RALGAPB: variants seen among roughly 807,000 people sequenced by gnomAD.
The protein encoded by RALGAPB is ral GTPase-activating protein subunit beta.
RALGAPB carries 25 observed loss-of-function variants against 161.1 expected under a neutral mutation model. That is an observed-to-expected ratio of 0.16 (90% CI 0.11 to 0.22). RALGAPB has a LOEUF of 0.22. RALGAPB is among the 10% of genes least tolerant of loss of function. RALGAPB has a pLI of 1.00. For synonymous variants in RALGAPB, 629 were observed against 626.1 expected (o/e 1.00, Z -0.07); for missense variants, 1,391 against 1,815.2 (o/e 0.77, Z 4.25).
At position 38,541,143 on chromosome 20, in the gene RALGAPB, A is replaced by G; in HGVS notation, c.2665A>G (p.Asn889Asp). The G allele has an allele frequency of 6.2e-7, 1 of 1,614,174 alleles. No individual in the cohort carries two copies. Among genetic ancestry groups the G allele is most frequent in the Non-Finnish European group, 8.5e-7 (1 of 1,180,020 alleles). The change falls in exon 18 of 30, where the codon AAC becomes GAC. Residue 889 changes from asparagine to aspartate, a missense_variant. Physicochemically the swap from Asn to Asp is conservative, Grantham distance 23 (BLOSUM62 1). Coordinates refer to ENST00000262879, the MANE Select transcript of RALGAPB (RefSeq NM_020336.4). ...EVKYKGDKEP[N>D]PASMRVKDAA... ...CAAGTACAAAGGAGATAAGGAGCCAAACCCTGCATCTATGAGGGTAAAGGA... is the reference window on the plus strand; with the variant it reads ...CAAGTACAAAGGAGATAAGGAGCCAGACCCTGCATCTATGAGGGTAAAGGA...
chr20:38,544,140 A>G (rs2087072489), intron 18 of RALGAPB, among the ~76,000 whole-genome samples: 1 of 152,104 alleles, frequency 6.6e-6, no homozygotes, highest in Non-Finnish European at 1.5e-5. Flanking sequence ...TTTAGCCTCT[A>G]ATTTGGAGAT....
At chr20:38,492,146 G>T (rs548609949) in intron 2 of RALGAPB, among the ~76,000 whole-genome samples, 20 of 152,198 alleles carry the variant, frequency 1.3e-4, no homozygotes, top group Non-Finnish European at 2.4e-4. Flanking sequence ...GGAAAAAGTT[G>T]CCCAGTGGCA....
Position 38,550,968 on chromosome 20 carries a change from A to T in RALGAPB, c.3010-103A>T. ...TTCTGAGTGAGTTTTTGTGACATGT[A>T]ATCCTAGGGAAACACAGGCATCTAA... On this transcript the variant is annotated intron_variant, in intron 20 of 29. Coordinates refer to ENST00000262879, the MANE Select transcript of RALGAPB (RefSeq NM_020336.4). The T allele has an allele frequency of 2.2e-6, 3 of 1,350,006 alleles. No individual in the cohort carries two copies. The South Asian group carries it at 4.2e-5, about 19-fold the overall frequency. 83.6% of individuals were successfully genotyped at this position (1,350,006 alleles called of 1,614,324 possible).
chr20:38,558,182 C>T (rs2087655160), intron 22 of RALGAPB, 113 bp from the exon 23 acceptor site: 1 of 889,818 alleles, frequency 1.1e-6, no homozygotes, highest in African/African-American at 1.8e-5. Flanking sequence ...TTATTCCTAC[C>T]ATTCTATATT....
intron 13 of RALGAPB, among the ~76,000 whole-genome samples, chr20:38,529,558 C>T (rs180954048): frequency 5.3e-5 from 8 of 149,712 alleles, no homozygotes; most frequent in Non-Finnish European, 3.0e-5. Context: ...AAAGCTTGGG[C>T]GTGGTGGCTC....
intron 1 of RALGAPB, among the ~76,000 whole-genome samples, chr20:38,487,820 A>G (rs1165043630): frequency 6.6e-6 from 1 of 152,204 alleles, no homozygotes; most frequent in Non-Finnish European, 1.5e-5. Context: ...TAATCCCAGC[A>G]CTTTGGGAGG....
chr20:38,542,305 C>G (rs1023709022), intron 18 of RALGAPB, among the ~76,000 whole-genome samples: 4 of 152,154 alleles, frequency 2.6e-5, no homozygotes, highest in African/African-American at 9.7e-5. Context: ...CCAGCATCTT[C>G]TGTGAGTTCA....
chr20:38,546,100 C>A, intron 18 of RALGAPB, 143 bp from the exon 19 acceptor site: 1 of 1,424,344 alleles, frequency 7.0e-7, no homozygotes, highest in African/African-American at 1.4e-5. Flanking sequence ...ATGGCATTCA[C>A]CACAAGGAGT....
At chr20:38,534,982 G>A in intron 15 of RALGAPB, 92 bp from the exon 16 acceptor site, 5 of 1,449,326 alleles carry the variant, frequency 3.4e-6, no homozygotes, top group Non-Finnish European at 3.8e-6. Flanking sequence ...TGTGGCTGCT[G>A]TGGTCTGTGC....
At chr20:38,560,473 T>C (rs1311803700) in intron 23 of RALGAPB, among the ~76,000 whole-genome samples, 1 of 152,128 alleles carries the variant, frequency 6.6e-6, no homozygotes, top group Non-Finnish European at 1.5e-5. Context: ...TCTTCATGAA[T>C]TTCATTATGG....
chr20:38,556,143 A>G (rs2087579183), intron 22 of RALGAPB, among the ~76,000 whole-genome samples: 1 of 152,182 alleles, frequency 6.6e-6, no homozygotes, highest in Admixed American at 6.5e-5. Flanking sequence ...AGATTCCTCT[A>G]ATGAAACCCA....
At chr20:38,479,582 A>T in intron 1 of RALGAPB, among the ~76,000 whole-genome samples, 1 of 152,218 alleles carries the variant, frequency 6.6e-6, no homozygotes, top group Non-Finnish European at 1.5e-5. Flanking sequence ...ATGAGTACAT[A>T]TAGAGTTGGG....
At chr20:38,493,456 G>A (rs2085332497) in intron 3 of RALGAPB, among the ~76,000 whole-genome samples, 1 of 152,088 alleles carries the variant, frequency 6.6e-6, no homozygotes. Context: ...TTTCCATTTA[G>A]GCTAAACACA....
chr20:38,564,821 G>T (rs1363496594), intron 24 of RALGAPB, among the ~76,000 whole-genome samples: 1 of 151,848 alleles, frequency 6.6e-6, no homozygotes, highest in African/African-American at 2.4e-5. Flanking sequence ...TAACGCACAT[G>T]TGCACTCTCT....
At chr20:38,480,342 G>T (rs2084929218) in intron 1 of RALGAPB, among the ~76,000 whole-genome samples, 1 of 145,064 alleles carries the variant, frequency 6.9e-6, no homozygotes, top group Non-Finnish European at 1.5e-5. Flanking sequence ...TTTGCTACCT[G>T]AAGCAAGTTT....
chr20:38,571,418 C>G (rs532729350), intron 28 of RALGAPB, among the ~76,000 whole-genome samples: 2 of 152,276 alleles, frequency 1.3e-5, no homozygotes, highest in East Asian at 3.9e-4. Context: ...ATTCCACTCT[C>G]TGCTTCTCTG....
rs1451337938 is a variant in RALGAPB at position 38,510,783 on chromosome 20, G to A, written c.872+1575G>A. Among the ~76,000 whole-genome samples the A allele has an allele frequency of 6.4e-5, 9 of 140,528 alleles. No homozygotes were observed. The East Asian group carries it at 1.4e-3, about 21-fold the overall frequency. 92.2% of individuals were successfully genotyped at this position (140,528 alleles called of 152,430 possible). On this transcript the variant is annotated intron_variant, in intron 6 of 29. Coordinates refer to ENST00000262879, the MANE Select transcript of RALGAPB (RefSeq NM_020336.4). The stretch of plus-strand genomic sequence containing the variant: ...AAATTAGCCGGGCGTAGTGGCGGGC[G>A]CCTGTAGTCCCAGCTACTTGGGAGG...
rs767746083 is a variant in RALGAPB, at chr20:38,472,872, C to T, written c.-228C>T. ...GGAAGTTGCCTGAGCAGATCCCAGC[C>T]GGCTGGCTCGAGTGGCCTTCGTCGT... is the stretch of plus-strand genomic sequence containing the variant. On this transcript the variant is annotated 5_prime_UTR_variant, in exon 1 of 30. Coordinates refer to ENST00000262879, the MANE Select transcript of RALGAPB (RefSeq NM_020336.4). 5.0e-6 allele frequency: 2 copies of T among 398,858 alleles called. No individual in the cohort carries two copies. Among genetic ancestry groups the T allele is most frequent in the Non-Finnish European group, 4.4e-6 (1 of 226,016 alleles). The allele number at this position is 398,858 out of a possible 1,614,324, so 24.7% of individuals were successfully genotyped here.
At chr20:38,551,281 TC>T (rs921085677) in intron 21 of RALGAPB, 58 bp downstream of exon 21, 2 of 1,557,142 alleles carry the variant, frequency 1.3e-6, no homozygotes, top group Non-Finnish European at 1.8e-6. Context: ...TCTTACGACT[TC>T]CTTGGTCAAG....
Sources: allele counts gnomAD v4.1 joint callset (sites outside exome capture counted in the v4.1 genomes callset), GRCh38; gene constraint gnomAD v4.1.1; transcripts MANE v1.5; gene names NCBI Gene and HGNC (gene_info 2026-07-23, HGNC 2026-07-21).